The following ZFHX3 variants were observed in gnomAD, a reference collection of about 807,000 sequenced individuals.
The protein encoded by ZFHX3 is zinc finger homeobox protein 3.
ZFHX3 carries 42 observed loss-of-function variants against 279.1 expected under a neutral mutation model. The observed-to-expected ratio is 0.15, with a 90% CI of 0.12 to 0.19. ZFHX3 has a LOEUF of 0.19. Ranked by LOEUF, ZFHX3 falls within the 10% of genes least tolerant of loss-of-function variation. The pLI, the probability that ZFHX3 is intolerant of heterozygous loss-of-function variation, is 1.00. For synonymous variants in ZFHX3, 2,293 were observed against 1,957.8 expected, an observed-to-expected ratio of 1.17 and a Z score of -4.52; for missense variants, 4,981 against 4,754.0, an observed-to-expected ratio of 1.05 and a Z score of -1.40.
intron 1 of ZFHX3, among the ~76,000 whole-genome samples, chr16:73,858,423 G>A (rs1961796164): frequency 6.6e-6 from 1 of 152,164 alleles, no homozygotes; most frequent in African/African-American, 2.4e-5. Flanking sequence ...CGTAACAATG[G>A]CCCGAGCTGA....
At chr16:72,960,721 T>C (rs1332885478) in intron 1 of ZFHX3, among the ~76,000 whole-genome samples, 1 of 152,142 alleles carries the variant, frequency 6.6e-6, no homozygotes, top group Non-Finnish European at 1.5e-5. Context: ...ATAACGCTCA[T>C]GGATTTAGAA....
At chr16:73,036,712 C>G (rs1471916699) in intron 1 of ZFHX3, among the ~76,000 whole-genome samples, 1 of 151,762 alleles carries the variant, frequency 6.6e-6, no homozygotes, top group African/African-American at 2.4e-5. Context: ...CTCGGTCGGT[C>G]GCTAGGAGAA....
intron 2 of ZFHX3, among the ~76,000 whole-genome samples, chr16:73,488,350 A>G (rs1160963141): frequency 6.6e-6 from 1 of 152,154 alleles, no homozygotes; most frequent in East Asian, 1.9e-4. Flanking sequence ...AAAGAGCAAC[A>G]TGGACCTGCA....
chr16:73,842,224 AAAAG>A (rs941244052), intron 1 of ZFHX3, among the ~76,000 whole-genome samples: 5 of 152,102 alleles, frequency 3.3e-5, no homozygotes, highest in African/African-American at 9.7e-5. Context: ...CTCAAAAAAA[AAAAG>A]AAAGACAGAA....
At position 73,603,342 on chromosome 16, in the gene ZFHX3, A is replaced by C. The variant is rs138561605; in HGVS notation, c.-1547+76838T>G. Among the ~76,000 whole-genome samples, 3 of 152,216 alleles carry C rather than the reference A, an allele frequency of 2.0e-5. No homozygotes were observed. The East Asian group carries it at 5.8e-4, about 29-fold the overall frequency. On this transcript the variant is annotated intron_variant, in intron 2 of 17. Transcript: ENST00000641206. ...AAGAAAAAGAGATAAACATGTCAGT[A>C]AAAAATGGGCATAGGACAGGAATTG...
Position 73,535,371 on chromosome 16 carries a change from C to A in ZFHX3, c.-1546-79113G>T, listed in dbSNP as rs183863404. ...TCAAAATTCTTAGGAATTTAACAATCCACTCTTGGGAGCTGGTATGAGGAG... is the reference window on the plus strand; with the variant it reads ...TCAAAATTCTTAGGAATTTAACAATACACTCTTGGGAGCTGGTATGAGGAG... On this transcript the variant is annotated intron_variant, in intron 2 of 17. Coordinates refer to the ZFHX3 transcript ENST00000641206. Among the ~76,000 whole-genome samples, 687 of 152,242 alleles carry A rather than the reference C, an allele frequency of 4.5e-3. 11 individuals are homozygous for A. The highest frequency in any genetic ancestry group is 0.016 in the African/African-American group (669 of 41,526).
At chr16:73,374,502 C>A (rs1469762531) in intron 3 of ZFHX3, among the ~76,000 whole-genome samples, 5 of 152,166 alleles carry the variant, frequency 3.3e-5, no homozygotes, top group Non-Finnish European at 7.3e-5. Flanking sequence ...ATCTCTAAAA[C>A]AATGATACAG....
At chr16:73,589,378 G>C (rs113564898) in intron 2 of ZFHX3, among the ~76,000 whole-genome samples, 2,704 of 147,580 alleles carry the variant, frequency 0.018, 94 homozygotes, top group African/African-American at 0.065. Flanking sequence ...TAAGATTGCA[G>C]TGTGCTATGA....
chr16:73,048,352 CCGGGGACGCA>C (rs1965378431), upstream of ZFHX3: 1 of 151,830 alleles, frequency 6.6e-6, no homozygotes, highest in Admixed American at 6.6e-5. Context: ...CCGCAGGGAC[CCGGGGACGCA>C]CAGGGACGCG....
intron 2 of ZFHX3, among the ~76,000 whole-genome samples, chr16:73,586,421 CAAACAAAA>C (rs1374374577): frequency 1.4e-5 from 2 of 142,754 alleles, no homozygotes; most frequent in South Asian, 2.2e-4. Context: ...AACAAACAAA[CAAACAAAA>C]AAACATACAG....
chr16:73,502,458 C>A (rs1264454165), intron 2 of ZFHX3, among the ~76,000 whole-genome samples: 1 of 152,220 alleles, frequency 6.6e-6, no homozygotes, highest in African/African-American at 2.4e-5. Flanking sequence ...CCAAGTCAAT[C>A]ATAGGTACTG....
chr16:73,227,577 A>C (rs2012634941), intron 5 of ZFHX3, among the ~76,000 whole-genome samples: 2 of 152,148 alleles, frequency 1.3e-5, no homozygotes, highest in Admixed American at 1.3e-4. Context: ...GACCGGGCGC[A>C]GTGGCTGACA....
chr16:73,176,593 CCTT>C (rs964745451), intron 5 of ZFHX3, among the ~76,000 whole-genome samples: 14 of 150,264 alleles, frequency 9.3e-5, no homozygotes, highest in African/African-American at 3.0e-4. Context: ...TGATTGATAG[CCTT>C]CTTCTTCTTC....
intron 1 of ZFHX3, among the ~76,000 whole-genome samples, chr16:73,766,359 GC>G (rs2142287703): frequency 6.6e-6 from 1 of 152,052 alleles, no homozygotes; most frequent in African/African-American, 2.4e-5. Context: ...CAGGTATATC[GC>G]CAGGGTGACT....
At chr16:73,732,219 G>A (rs569418596) in intron 1 of ZFHX3, among the ~76,000 whole-genome samples, 2 of 152,236 alleles carry the variant, frequency 1.3e-5, no homozygotes, top group South Asian at 4.1e-4. Flanking sequence ...GGTTGACTCC[G>A]AATTTCAACA....
At chr16:73,479,617 A>T (rs779950016) in intron 2 of ZFHX3, among the ~76,000 whole-genome samples, 12 of 152,176 alleles carry the variant, frequency 7.9e-5, no homozygotes, top group Admixed American at 1.3e-4. Flanking sequence ...GATCAGCTTG[A>T]GGGAGGGCAC....
intron 1 of ZFHX3, among the ~76,000 whole-genome samples, chr16:73,683,011 G>GGA (rs1555532236): frequency 1.8e-4 from 9 of 49,180 alleles, no homozygotes; most frequent in Non-Finnish European, 4.9e-4. Context: ...AAGAAAGAAA[G>GGA]AGAAAGGAGG....
intron 3 of ZFHX3, among the ~76,000 whole-genome samples, chr16:73,334,025 G>A (rs2143236066): frequency 6.6e-6 from 1 of 152,194 alleles, no homozygotes; most frequent in African/African-American, 2.4e-5. Context: ...ACGAAGGAGG[G>A]AGAATGTCCA....
At chr16:73,771,967 C>G (rs557041396) in intron 1 of ZFHX3, among the ~76,000 whole-genome samples, 1 of 152,292 alleles carries the variant, frequency 6.6e-6, no homozygotes, top group East Asian at 1.9e-4. Flanking sequence ...AGTCAGTCCA[C>G]TCAAGTTTGT....
Sources: allele counts gnomAD v4.1 joint callset (sites outside exome capture counted in the v4.1 genomes callset), GRCh38; gene constraint gnomAD v4.1.1; transcripts MANE v1.5; gene names NCBI Gene and HGNC (gene_info 2026-07-23, HGNC 2026-07-21).